BACH2: variants seen among roughly 807,000 people sequenced by gnomAD.
BACH2 encodes the protein BACH transcriptional regulator 2, also known as transcription regulator protein BACH2.
BACH2 carries 5 observed loss-of-function variants against 61.8 expected under a neutral mutation model. That is an observed-to-expected ratio of 0.08 (90% CI 0.04 to 0.17). The LOEUF (loss-of-function observed/expected upper bound fraction) is 0.17. Ranked by LOEUF, BACH2 falls within the 10% of genes least tolerant of loss-of-function variation. The pLI, the probability that BACH2 is intolerant of heterozygous loss-of-function variation, is 1.00. For missense variants in BACH2, 824 were observed against 1,091.1 expected (o/e 0.76, Z 3.45); for synonymous variants, 446 against 440.1 (o/e 1.01, Z -0.17).
chr6:90,103,029 A>ATATATATATATTTTTTTT, intron 4 of BACH2, among the ~76,000 whole-genome samples: 4 of 21,164 alleles, frequency 1.9e-4, no homozygotes, highest in African/African-American at 4.8e-4. Context: ...ATATATATAT[A>ATATATATATATTTTTTTT]TTTTTTTTTT....
chr6:89,978,893 T>G (rs552338992), intron 6 of BACH2, among the ~76,000 whole-genome samples: 6 of 152,272 alleles, frequency 3.9e-5, no homozygotes, highest in Non-Finnish European at 7.4e-5. Flanking sequence ...GGCAGGCAAG[T>G]CCTCATGAAA....
At chr6:90,133,818 T>G (rs979685592) in intron 4 of BACH2, among the ~76,000 whole-genome samples, 1 of 152,212 alleles carries the variant, frequency 6.6e-6, no homozygotes, top group African/African-American at 2.4e-5. Context: ...TGCGATAGTT[T>G]GCTGAGAATG....
chr6:90,099,732 C>T (rs1454757482), intron 4 of BACH2, among the ~76,000 whole-genome samples: 1 of 152,186 alleles, frequency 6.6e-6, no homozygotes, highest in Non-Finnish European at 1.5e-5. Flanking sequence ...TGGCCAGGAC[C>T]ACTTACGTTT....
At chr6:90,087,629 C>T (rs1353164813) in intron 5 of BACH2, among the ~76,000 whole-genome samples, 2 of 152,148 alleles carry the variant, frequency 1.3e-5, no homozygotes. Context: ...CATGATGATT[C>T]ACAAAGTTTT....
At chr6:90,074,438 C>T (rs1781381493) in intron 5 of BACH2, among the ~76,000 whole-genome samples, 1 of 152,106 alleles carries the variant, frequency 6.6e-6, no homozygotes, top group Admixed American at 6.6e-5. Flanking sequence ...GGCAGTGTGG[C>T]AGCAGTTGTC....
rs993350496 is a variant in BACH2 at position 89,930,873 on chromosome 6, G to A, written c.*1535C>T. On this transcript the variant is annotated 3_prime_UTR_variant, in exon 9 of 9. Transcript: ENST00000257749. Reference sequence around the variant, plus strand: ...ACTCCAAGCCTTTGGAGAAGGAAAGGAGAAAGAATGTGTCAGCCTGTGTCA... The same window carrying A: ...ACTCCAAGCCTTTGGAGAAGGAAAGAAGAAAGAATGTGTCAGCCTGTGTCA... 6.6e-6 allele frequency: 1 copy of A among 152,410 alleles called. No individual in the cohort carries two copies. Among genetic ancestry groups the A allele is most frequent in the Non-Finnish European group, 1.5e-5 (1 of 68,074 alleles). 9.4% of individuals were successfully genotyped at this position (152,410 alleles called of 1,614,324 possible). A position where few individuals can be genotyped will look rare whatever the true frequency, so the allele number is the denominator to read the frequency against.
chr6:89,971,958 C>A (rs1022922917), intron 6 of BACH2, among the ~76,000 whole-genome samples: 1 of 152,140 alleles, frequency 6.6e-6, no homozygotes, highest in Non-Finnish European at 1.5e-5. Flanking sequence ...CAGCTGCTGG[C>A]GGAAGGGCAT....
intron 4 of BACH2, among the ~76,000 whole-genome samples, chr6:90,198,551 C>T (rs1384475153): frequency 6.6e-6 from 1 of 152,186 alleles, no homozygotes; most frequent in Non-Finnish European, 1.5e-5. Flanking sequence ...CTTAATTTAC[C>T]TCCTACCTCT....
intron 3 of BACH2, among the ~76,000 whole-genome samples, chr6:90,237,794 A>G (rs550414032): frequency 6.6e-6 from 1 of 152,224 alleles, no homozygotes; most frequent in African/African-American, 2.4e-5. Context: ...AAAGGCCACA[A>G]GGGGATGTTG....
chr6:90,147,315 G>A (rs1784655704), intron 4 of BACH2, among the ~76,000 whole-genome samples: 2 of 151,992 alleles, frequency 1.3e-5, no homozygotes, highest in Admixed American at 6.5e-5. Flanking sequence ...TTTCTGCCAC[G>A]TCCCTGCTCT....
Position 89,951,473 on chromosome 6 carries a change from G to C in BACH2, c.633C>G (p.Asp211Glu). 6.2e-7 allele frequency: 1 copy of C among 1,614,232 alleles called. No homozygotes were observed. ...EKEEALLPEPDVPTDTKESSE... is the reference protein window; with the variant it reads ...EKEEALLPEPEVPTDTKESSE... ...AGCTCTCCTTGGTGTCTGTGGGCAC[G>C]TCAGGCTCGGGCAGCAGGGCTTCTT... Residue 211 changes from aspartate (D) to glutamate (E), a missense_variant, in exon 7 of 9, where the codon GAC (aspartate) becomes GAG (glutamate). Asp to Glu is a conservative substitution (Grantham distance 45). Around this residue, in one of 8 missense-constraint regions of BACH2, gnomAD observed 19 missense variants for 44.2 expected, o/e 0.43. Coordinates refer to ENST00000257749, the MANE Select transcript of BACH2 (RefSeq NM_021813.4). The surrounding 1 kb of genome is among the most constrained non-coding windows in gnomAD (Gnocchi z 6.4).
intron 6 of BACH2, among the ~76,000 whole-genome samples, chr6:89,958,012 G>A (rs1031120737): frequency 3.9e-5 from 6 of 152,128 alleles, no homozygotes; most frequent in South Asian, 2.1e-4. Flanking sequence ...AAACATAAAC[G>A]GAGTGTCTTT....
chr6:90,060,015 A>G (rs1780598513), intron 5 of BACH2, among the ~76,000 whole-genome samples: 1 of 150,336 alleles, frequency 6.7e-6, no homozygotes, highest in Admixed American at 6.6e-5. Flanking sequence ...TAGGAGATAT[A>G]CCTAATGCTA....
chr6:89,996,334 G>T (rs1316463008), intron 6 of BACH2, among the ~76,000 whole-genome samples: 2 of 152,100 alleles, frequency 1.3e-5, no homozygotes, highest in Non-Finnish European at 1.5e-5. Context: ...GTCTGTGGTG[G>T]GTTGTTGTTG....
chr6:90,172,423 C>A (rs74808425), intron 4 of BACH2, among the ~76,000 whole-genome samples: 2,186 of 151,576 alleles, frequency 0.014, 60 homozygotes, highest in African/African-American at 0.051. Flanking sequence ...GGAAAGGCAG[C>A]ATTCAAAATA....
intron 4 of BACH2, among the ~76,000 whole-genome samples, chr6:90,195,564 G>A (rs752961011): frequency 1.2e-4 from 18 of 152,142 alleles, no homozygotes; most frequent in African/African-American, 2.4e-4. Context: ...GTGATTCAGC[G>A]GATTCTAAGG....
At chr6:90,172,705 A>T (rs1462194815) in intron 4 of BACH2, among the ~76,000 whole-genome samples, 1 of 152,210 alleles carries the variant, frequency 6.6e-6, no homozygotes, top group Non-Finnish European at 1.5e-5. Context: ...AACAAAAAAT[A>T]AGAAAGTTTA....
intron 4 of BACH2, among the ~76,000 whole-genome samples, chr6:90,131,098 G>A (rs1312669796): frequency 6.6e-6 from 1 of 152,172 alleles, no homozygotes; most frequent in Non-Finnish European, 1.5e-5. Context: ...CCAGGAGTGG[G>A]CTCTCTGGAG....
intron 5 of BACH2, among the ~76,000 whole-genome samples, chr6:90,017,476 C>G (rs1362464176): frequency 6.6e-6 from 1 of 152,126 alleles, no homozygotes; most frequent in Non-Finnish European, 1.5e-5. Flanking sequence ...CGCACCTCGG[C>G]CTCCCAAAAT....
Sources: gnomAD v4.1 joint callset for allele counts (sites outside exome capture counted in the v4.1 genomes callset) on GRCh38, gnomAD v4.1.1 for gene constraint, gnomAD v4.1.1 regional missense constraint, Gnocchi (gnomAD v3.1) non-coding constraint, MANE v1.5 for transcripts, NCBI Gene and HGNC (gene_info 2026-07-23, HGNC 2026-07-21) for gene names.